ADTRP: variants seen among roughly 807,000 people sequenced by gnomAD.
The protein encoded by ADTRP is androgen-dependent TFPI-regulating protein.
ADTRP carries 20 observed loss-of-function variants against 27.0 expected under a neutral mutation model. The observed-to-expected ratio is 0.74, with a 90% confidence interval of 0.52 to 1.08. The LOEUF (loss-of-function observed/expected upper bound fraction) is 1.08, where lower values mean the gene tolerates loss of function less well. ADTRP is among the 50% of genes least tolerant of loss of function. The probability of loss-of-function intolerance (pLI) is 0.00; values close to 1 mark genes in which losing one functional copy is unlikely to be tolerated. For missense variants in ADTRP, 251 were observed against 275.0 expected (o/e 0.91, Z 0.62); for synonymous variants, 101 against 105.2 (o/e 0.96, Z 0.25).
At chr6:11,729,252 C>G (rs12198491) in intron 4 of ADTRP, among the ~76,000 whole-genome samples, 23,404 of 152,020 alleles carry the variant, frequency 0.15, 1,951 homozygotes, top group Admixed American at 0.18. Flanking sequence ...CAGAAAGAGT[C>G]AGGAGAAACT....
chr6:11,732,225 G>A lies in ADTRP; in HGVS notation c.506+3343C>T, dbSNP rs143651882. Among the ~76,000 whole-genome samples, 139 of 152,266 alleles carry A rather than the reference G, an allele frequency of 9.1e-4. No individual in the cohort carries two copies. The Middle Eastern group carries it at 0.024, about 26-fold the overall frequency. ...CCACGGTCTCAGGAACTATTTTTAG[G>A]TCATTTGAACATGGTTTCGGCGGTG... On this transcript the variant is annotated intron_variant, in intron 4 of 5. Transcript: ENST00000414691.
chr6:11,740,870 G>A (rs1481337171), intron 3 of ADTRP, among the ~76,000 whole-genome samples: 1 of 152,122 alleles, frequency 6.6e-6, no homozygotes, highest in Non-Finnish European at 1.5e-5. Context: ...CTGGAAATCT[G>A]GAAATGTGCA....
chr6:11,742,315 AT>A (rs144680791), intron 3 of ADTRP, among the ~76,000 whole-genome samples: 1,914 of 151,238 alleles, frequency 0.013, 48 homozygotes, highest in African/African-American at 0.043. Flanking sequence ...CCCTTTTTTC[AT>A]TTTTTTAACT....
intron 1 of ADTRP, among the ~76,000 whole-genome samples, chr6:11,775,404 C>T (rs754587232): frequency 1.3e-5 from 2 of 151,982 alleles, no homozygotes; most frequent in African/African-American, 4.8e-5. Flanking sequence ...ATTTGACAGA[C>T]GTGGAAATGA....
At chr6:11,776,015 A>C (rs1182744080) in intron 1 of ADTRP, among the ~76,000 whole-genome samples, 2 of 148,026 alleles carry the variant, frequency 1.4e-5, no homozygotes, top group African/African-American at 5.0e-5. Flanking sequence ...AATGAACACT[A>C]ATTAATCATT....
At chr6:11,739,453 C>T (rs1228424062) in intron 3 of ADTRP, among the ~76,000 whole-genome samples, 1 of 152,154 alleles carries the variant, frequency 6.6e-6, no homozygotes, top group African/African-American at 2.4e-5. Flanking sequence ...ATACCTTCCC[C>T]CCACCATCCT....
intron 3 of ADTRP, among the ~76,000 whole-genome samples, chr6:11,754,236 C>T (rs73361786): frequency 0.013 from 2,050 of 152,318 alleles, 57 homozygotes; most frequent in African/African-American, 0.046. Context: ...GTCCTCATTT[C>T]TGCACCCCTC....
chr6:11,739,055 A>G (rs1762631727), intron 3 of ADTRP, among the ~76,000 whole-genome samples: 1 of 151,950 alleles, frequency 6.6e-6, no homozygotes, highest in Non-Finnish European at 1.5e-5. Flanking sequence ...AAAAAAAAGG[A>G]AGAACAAATT....
intron 5 of ADTRP, among the ~76,000 whole-genome samples, chr6:11,719,401 T>C (rs775988441): frequency 2.0e-5 from 3 of 152,184 alleles, no homozygotes; most frequent in Non-Finnish European, 4.4e-5. Context: ...CGGATCCCGA[T>C]TGCAAGTTAA....
intron 4 of ADTRP, among the ~76,000 whole-genome samples, chr6:11,726,551 G>A (rs536796102): frequency 3.3e-5 from 5 of 152,128 alleles, no homozygotes; most frequent in Non-Finnish European, 5.9e-5. Context: ...GGCCCTTGTC[G>A]GCAGCCAGGG....
At chr6:11,772,137 T>G (rs1763804228) in intron 1 of ADTRP, among the ~76,000 whole-genome samples, 1 of 152,234 alleles carries the variant, frequency 6.6e-6, no homozygotes, top group South Asian at 2.1e-4. Context: ...CATCTACTTA[T>G]TCTAAGTTTA....
intron 3 of ADTRP, among the ~76,000 whole-genome samples, chr6:11,740,664 AG>A (rs1762687270): frequency 6.6e-6 from 1 of 152,230 alleles, no homozygotes; most frequent in South Asian, 2.1e-4. Context: ...TCCATTTGCC[AG>A]CTAAAAACTT....
chr6:11,750,565 A>C (rs1450459321), intron 3 of ADTRP, among the ~76,000 whole-genome samples: 2 of 152,238 alleles, frequency 1.3e-5, no homozygotes, highest in African/African-American at 4.8e-5. Flanking sequence ...TCACGTTATG[A>C]TCAAGAGCCT....
At chr6:11,770,983 T>C (rs1209376613) in intron 1 of ADTRP, among the ~76,000 whole-genome samples, 1 of 152,188 alleles carries the variant, frequency 6.6e-6, no homozygotes, top group Non-Finnish European at 1.5e-5. Flanking sequence ...AGAGGCCGCC[T>C]CCGCCCGGCG....
At chr6:11,773,221 A>G (rs1262836924) in intron 1 of ADTRP, among the ~76,000 whole-genome samples, 1 of 152,294 alleles carries the variant, frequency 6.6e-6, no homozygotes, top group East Asian at 1.9e-4. Flanking sequence ...GTGGAAGAAG[A>G]TGATGAGGAG....
chr6:11,742,373 CT>C (rs1400011886), intron 3 of ADTRP, among the ~76,000 whole-genome samples: 1 of 151,964 alleles, frequency 6.6e-6, no homozygotes, highest in Non-Finnish European at 1.5e-5. Flanking sequence ...TTTGAGACAC[CT>C]TACTAAAAAA....
intron 3 of ADTRP, among the ~76,000 whole-genome samples, chr6:11,747,977 G>A (rs1437138601): frequency 2.6e-5 from 4 of 152,134 alleles, no homozygotes; most frequent in Non-Finnish European, 5.9e-5. Flanking sequence ...ATTAACATCT[G>A]ACCACGGTGG....
intron 4 of ADTRP, among the ~76,000 whole-genome samples, chr6:11,727,959 CAGGGAGGGAGGGAGGTAGGT>C (rs71699891): frequency 0.078 from 7,157 of 91,476 alleles, 609 homozygotes; most frequent in East Asian, 0.52. Context: ...GGAAGGGAGG[CAGGGAGGGAGGGAGGTAGGT>C]AGGGAGGGAG....
intron 4 of ADTRP, 22 bp from the exon 5 acceptor site, chr6:11,723,522 G>C: frequency 6.2e-7 from 1 of 1,612,702 alleles, no homozygotes; most frequent in Non-Finnish European, 8.5e-7. Flanking sequence ...AAGAAGTCGT[G>C]GTGGTTATAG....
Sources: gnomAD v4.1 joint callset for allele counts (sites outside exome capture counted in the v4.1 genomes callset) on GRCh38, gnomAD v4.1.1 for gene constraint, MANE v1.5 for transcripts, NCBI Gene and HGNC (gene_info 2026-07-23, HGNC 2026-07-21) for gene names.